Variants in SMOC2 observed in about 807,000 individuals in gnomAD.
SMOC2 encodes SPARC-related modular calcium-binding protein 2.
SMOC2 carries 39 observed loss-of-function variants against 61.4 expected under a neutral mutation model. The ratio of observed to expected loss-of-function variants is 0.64; its 90% CI spans 0.49 to 0.83. The LOEUF (loss-of-function observed/expected upper bound fraction) is 0.83. Among genes scored for constraint, SMOC2 ranks in the 40% least tolerant of loss-of-function variants. The pLI, the probability that SMOC2 is intolerant of heterozygous loss-of-function variation, is 0.00. For missense variants in SMOC2, 556 were observed against 592.9 expected (o/e 0.94, Z 0.65); for synonymous variants, 247 against 239.9 (o/e 1.03, Z -0.27).
intron 7 of SMOC2, among the ~76,000 whole-genome samples, chr6:168,564,851 C>A (rs867367529): frequency 1.5e-4 from 23 of 152,198 alleles, no homozygotes; most frequent in Middle Eastern, 3.2e-3. Flanking sequence ...ACAATGCACT[C>A]TGATGCATTC....
chr6:168,479,800 C>A (rs1782168355), intron 1 of SMOC2, among the ~76,000 whole-genome samples: 1 of 152,192 alleles, frequency 6.6e-6, no homozygotes, highest in African/African-American at 2.4e-5. Flanking sequence ...ACTGTTGCAT[C>A]TTACCCATTG....
At position 168,469,706 on chromosome 6, in the gene SMOC2, G is replaced by A. The variant is rs184504136; in HGVS notation, c.84+28252G>A. Among the ~76,000 whole-genome samples, 885 of 152,284 alleles carry A rather than the reference G, an allele frequency of 5.8e-3. 34 individuals carry two copies. Among genetic ancestry groups the A allele is most frequent in the Admixed American group, 0.05 (760 of 15,304 alleles). ...GACCACATGGCCAGCAGAGCTGGTC[G>A]GAGCCGATGACTTTTGCAGAGACTG... is the stretch of plus-strand genomic sequence containing the variant. On this transcript the variant is annotated intron_variant, in intron 1 of 12. Coordinates refer to ENST00000356284, the MANE Select transcript of SMOC2 (RefSeq NM_001166412.2).
chr6:168,611,711 G>A lies in SMOC2; in HGVS notation c.907+3472G>A, dbSNP rs539863828. Among the ~76,000 whole-genome samples, 1,228 of 149,476 alleles carry A rather than the reference G, an allele frequency of 8.2e-3. 4 individuals carry two copies. Among genetic ancestry groups the A allele is most frequent in the Non-Finnish European group, 0.011 (760 of 66,798 alleles). On this transcript the variant is annotated intron_variant, in intron 9 of 12. Coordinates refer to ENST00000356284, the MANE Select transcript of SMOC2 (RefSeq NM_001166412.2). Reference sequence around the variant, plus strand: ...CTGGTTCCCATGTCCGGGACCCACCGTGGCTCCCGTGTCGGGCCTGGCTGT... The same window carrying A: ...CTGGTTCCCATGTCCGGGACCCACCATGGCTCCCGTGTCGGGCCTGGCTGT...
At chr6:168,558,906 CGTGT>C (rs1206896113) in intron 7 of SMOC2, among the ~76,000 whole-genome samples, 1 of 150,506 alleles carries the variant, frequency 6.6e-6, no homozygotes, top group Non-Finnish European at 1.5e-5. Flanking sequence ...TGTGTGTGCA[CGTGT>C]GTATGTGTGC....
chr6:168,465,796 T>C (rs1390774832), intron 1 of SMOC2, among the ~76,000 whole-genome samples: 1 of 115,674 alleles, frequency 8.6e-6, no homozygotes, highest in East Asian at 2.8e-4. Flanking sequence ...AACTGGGGGC[T>C]CTGGATGAAG....
chr6:168,506,067 C>T (rs773955467), intron 1 of SMOC2, among the ~76,000 whole-genome samples: 17 of 151,908 alleles, frequency 1.1e-4, no homozygotes, highest in Non-Finnish European at 2.2e-4. Flanking sequence ...TGCCCTGGTG[C>T]GTAGTCATAG....
At chr6:168,501,685 GCAAA>G (rs1205229318) in intron 1 of SMOC2, among the ~76,000 whole-genome samples, 1 of 152,238 alleles carries the variant, frequency 6.6e-6, no homozygotes, top group Non-Finnish European at 1.5e-5. Context: ...AGGCAGTGTG[GCAAA>G]CAGAGAAACA....
rs370566980 is a variant in SMOC2, at chr6:168,650,816, G to T, written c.1010+33G>T. On this transcript the variant is annotated intron_variant, in intron 10 of 12. Transcript: ENST00000356284. ...GTGTTCGCCGTGGGACAACAAGTTG[G>T]CAGGGTCCCAGAATTCTGGGGAATC... The T allele has an allele frequency of 4.4e-6, 7 of 1,579,348 alleles. No individual in the cohort carries two copies. In the Middle Eastern group the frequency reaches 1.2e-3, roughly 263 times the overall value.
intron 11 of SMOC2, among the ~76,000 whole-genome samples, chr6:168,659,709 G>A (rs1360974376): frequency 1.1e-3 from 12 of 11,120 alleles, no homozygotes; most frequent in Admixed American, 2.0e-3. Context: ...GGTGGAGGTT[G>A]TAGGCTGAGT....
intron 5 of SMOC2, among the ~76,000 whole-genome samples, chr6:168,546,662 T>G (rs1784011027): frequency 6.6e-6 from 1 of 152,068 alleles, no homozygotes; most frequent in African/African-American, 2.4e-5. Context: ...ACCCTTGCCT[T>G]TCTCTTGGGG....
intron 9 of SMOC2, among the ~76,000 whole-genome samples, chr6:168,620,254 T>C (rs1004375082): frequency 6.6e-6 from 1 of 152,250 alleles, no homozygotes; most frequent in Admixed American, 6.5e-5. Flanking sequence ...GCTGGCAGAA[T>C]ACTAAGACTG....
intron 1 of SMOC2, among the ~76,000 whole-genome samples, chr6:168,442,108 C>T (rs962727722): frequency 3.3e-5 from 5 of 152,246 alleles, no homozygotes; most frequent in African/African-American, 1.2e-4. Flanking sequence ...GATGAGGTTA[C>T]AGATGATTCT....
At chr6:168,639,061 G>A (rs1786821836) in intron 9 of SMOC2, among the ~76,000 whole-genome samples, 2 of 152,186 alleles carry the variant, frequency 1.3e-5, no homozygotes, top group South Asian at 2.1e-4. Context: ...CAGACCATAG[G>A]ATTCCACAGG....
At chr6:168,562,913 C>T (rs6455529) in intron 7 of SMOC2, among the ~76,000 whole-genome samples, 70,355 of 152,038 alleles carry the variant, frequency 0.46, 16,672 homozygotes, top group Middle Eastern at 0.61. Flanking sequence ...AATCTTTCTC[C>T]TAAAAGCTCC....
intron 7 of SMOC2, among the ~76,000 whole-genome samples, chr6:168,576,404 G>A (rs116098588): frequency 7.5e-4 from 114 of 152,190 alleles, no homozygotes; most frequent in African/African-American, 2.7e-3. Context: ...ACGTCCAGTC[G>A]GGCAGCAGAT....
intron 9 of SMOC2, among the ~76,000 whole-genome samples, chr6:168,646,351 G>C (rs891546579): frequency 6.6e-6 from 1 of 152,200 alleles, no homozygotes; most frequent in Admixed American, 6.5e-5. Flanking sequence ...AAACCACTCA[G>C]CTCCACTTTC....
chr6:168,640,535 A>G (rs956782748), intron 9 of SMOC2, among the ~76,000 whole-genome samples: 1 of 152,196 alleles, frequency 6.6e-6, no homozygotes, highest in Admixed American at 6.5e-5. Context: ...CTCAGAAAAC[A>G]CTTGCTCTAA....
chr6:168,632,637 A>AT (rs1459235776), intron 9 of SMOC2, among the ~76,000 whole-genome samples: 1 of 152,080 alleles, frequency 6.6e-6, no homozygotes, highest in Non-Finnish European at 1.5e-5. Flanking sequence ...TTGAGCTATG[A>AT]TTTTTTGAAA....
intron 7 of SMOC2, among the ~76,000 whole-genome samples, chr6:168,582,871 C>T (rs1241055295): frequency 1.3e-5 from 2 of 152,104 alleles, no homozygotes; most frequent in Non-Finnish European, 2.9e-5. Context: ...TGGCCTTGCC[C>T]CTCCCGGTTT....
Sources: allele counts gnomAD v4.1 joint callset (sites outside exome capture counted in the v4.1 genomes callset), GRCh38; gene constraint gnomAD v4.1.1; transcripts MANE v1.5; gene names NCBI Gene and HGNC (gene_info 2026-07-23, HGNC 2026-07-21).